The following DHRS2 variants were observed in gnomAD, a reference collection of about 807,000 sequenced individuals.
The protein encoded by DHRS2 is dehydrogenase/reductase SDR family member 2, mitochondrial.
A neutral mutation model predicts 26.3 loss-of-function variants in DHRS2; 29 were observed. The ratio of observed to expected loss-of-function variants is 1.10; its 90% CI spans 0.82 to 1.50. DHRS2 has a LOEUF of 1.50. Among genes scored for constraint, DHRS2 ranks in the 40% most tolerant of loss-of-function variants. The pLI is 0.00. For synonymous variants in DHRS2, 164 were observed against 151.3 expected, an observed-to-expected ratio of 1.08 and a Z score of -0.62; for missense variants, 439 against 367.1, an observed-to-expected ratio of 1.20 and a Z score of -1.60.
chr14:23,639,588 A>T (rs989238746), intron 3 of DHRS2, among the ~76,000 whole-genome samples: 1 of 151,962 alleles, frequency 6.6e-6, no homozygotes, highest in Non-Finnish European at 1.5e-5. Context: ...AGGAGTCTGA[A>T]GGGGTGAGGG....
rs188132418 is a variant in DHRS2, at chr14:23,645,234, G to C, written c.824G>C (p.Gly275Ala). ...YVNGENIAVA[G>A]YSTRL ...AACGGGGAGAACATTGCGGTGGCAGGCTACTCCACTCGGCTCTGAGAGGAG... is the reference window on the plus strand; with the variant it reads ...AACGGGGAGAACATTGCGGTGGCAGCCTACTCCACTCGGCTCTGAGAGGAG... The change falls in exon 9 of 9, where the codon GGC (glycine) becomes GCC (alanine). Residue 275 changes from glycine to alanine, a missense_variant. Physicochemically the swap from Gly to Ala is moderately conservative, Grantham distance 60 (BLOSUM62 0). Coordinates refer to ENST00000250383, the MANE Select transcript of DHRS2 (RefSeq NM_005794.4). 3 of 1,614,144 alleles carry C rather than the reference G, an allele frequency of 1.9e-6. No homozygotes were observed. Among genetic ancestry groups the C allele is most frequent in the East Asian group, 2.2e-5 (1 of 44,866 alleles).
intron 4 of DHRS2, chr14:23,642,507 C>G (rs181984012): frequency 6.6e-6 from 1 of 152,482 alleles, no homozygotes; most frequent in African/African-American, 2.4e-5. Flanking sequence ...CTTCTAGCAC[C>G]TGCTTCCCCT....
chr14:23,644,304 G>T (rs184774474), intron 6 of DHRS2, 105 bp from the exon 7 acceptor site: 2 of 1,566,490 alleles, frequency 1.3e-6, no homozygotes, highest in African/African-American at 2.7e-5. Flanking sequence ...TCTCCATGTG[G>T]GTGGGAGGGC....
chr14:23,630,154 ACTCACATC>A (rs1055873605), exon 1 of DHRS2: 11 of 152,174 alleles, frequency 7.2e-5, no homozygotes, highest in African/African-American at 2.7e-4. Context: ...CCTGCTGCTT[ACTCACATC>A]CTCATACTCA....
At chr14:23,637,622 A>G (rs915788930) in intron 1 of DHRS2, among the ~76,000 whole-genome samples, 5 of 152,136 alleles carry the variant, frequency 3.3e-5, no homozygotes, top group African/African-American at 9.7e-5. Flanking sequence ...GGACTCTAAC[A>G]GGTTTTCGAG....
In DHRS2 at chr14:23,644,725, G is replaced by A. The variant is rs896674132; in HGVS notation, c.676-102G>A. The A allele has an allele frequency of 2.0e-6, 3 of 1,506,782 alleles. No homozygotes were observed. The African/African-American group carries it at 4.1e-5, about 21-fold the overall frequency. 93.3% of individuals were successfully genotyped at this position (1,506,782 alleles called of 1,614,324 possible). Reference sequence around the variant, plus strand: ...CCTGAAAAGATGCTCCTTCTTTTGAGAAGGGCAAAGCTGCCCTAGGTGTTC... The same window carrying A: ...CCTGAAAAGATGCTCCTTCTTTTGAAAAGGGCAAAGCTGCCCTAGGTGTTC... On this transcript the variant is annotated intron_variant, in intron 7 of 8. Coordinates refer to ENST00000250383, the MANE Select transcript of DHRS2 (RefSeq NM_005794.4).
intron 4 of DHRS2, chr14:23,640,363 C>T (rs2138382716): frequency 1.0e-6 from 1 of 985,502 alleles, no homozygotes; most frequent in Middle Eastern, 5.2e-4. Context: ...CACTGAGTCC[C>T]ACACAAACTT....
intron 3 of DHRS2, among the ~76,000 whole-genome samples, 158 bp from the exon 4 acceptor site, chr14:23,639,636 C>T (rs369949158): frequency 6.6e-6 from 1 of 152,136 alleles, no homozygotes; most frequent in Non-Finnish European, 1.5e-5. Flanking sequence ...ACCTTCCTCT[C>T]TCAGTGCCTG....
At chr14:23,634,692 C>G (rs1466927122), upstream of DHRS2, among the ~76,000 whole-genome samples, 1 of 152,084 alleles carries the variant, frequency 6.6e-6, no homozygotes, top group Non-Finnish European at 1.5e-5. Context: ...ATCCATTCCA[C>G]CGTTAATAGG....
chr14:23,639,670 C>G, intron 3 of DHRS2, 124 bp from the exon 4 acceptor site: 1 of 1,104,884 alleles, frequency 9.1e-7, no homozygotes, highest in African/African-American at 1.6e-5. Context: ...GCCCTTGGGA[C>G]ACCTAGGTCA....
chr14:23,645,271 G>A lies in DHRS2; in HGVS notation c.*18G>A. 6.2e-7 allele frequency: 1 copy of A among 1,613,978 alleles called. No homozygotes were observed. Among genetic ancestry groups the A allele is most frequent in the Non-Finnish European group, 8.5e-7 (1 of 1,180,058 alleles). ...GGCTCTGAGAGGAGTGGGGGCGGCT[G>A]CGTAGCTGTGGTCCCAGGCCCAGGA... On this transcript the variant is annotated 3_prime_UTR_variant, in exon 9 of 9. Transcript: ENST00000250383.
At chr14:23,640,167 C>A in intron 4 of DHRS2, 1 of 781,456 alleles carries the variant, frequency 1.3e-6, no homozygotes. Context: ...GTATTTATTG[C>A]TGTCTGCCAG....
intron 8 of DHRS2, 51 bp from the exon 9 acceptor site, chr14:23,645,091 C>T (rs745408701): frequency 1.2e-6 from 2 of 1,609,814 alleles, no homozygotes; most frequent in East Asian, 2.2e-5. Flanking sequence ...AGCCCCAGAG[C>T]AGCAGAATCA....
chr14:23,643,205 C>T lies in DHRS2; in HGVS notation c.474C>T (p.Pro158=), dbSNP rs1156504060. 1.2e-6 allele frequency: 2 copies of T among 1,614,004 alleles called. No individual in the cohort carries two copies. Among genetic ancestry groups the T allele is most frequent in the Admixed American group, 1.7e-5 (1 of 60,024 alleles). ...CCCTGCTGCTGAGCCAGTTGCTGCC[C>T]TACATGGAGAACAGGTATGGCAGGG... The part of the protein sequence containing the change: ...SPALLLSQLL[P]YMENRRGAVI... Residue 158 remains proline (P), a synonymous_variant, in exon 5 of 9, where the codon CCC becomes CCT. Coordinates refer to ENST00000250383, the MANE Select transcript of DHRS2 (RefSeq NM_005794.4).
chr14:23,631,550 C>A (rs56234039), upstream of DHRS2, among the ~76,000 whole-genome samples: 4 of 151,576 alleles, frequency 2.6e-5, no homozygotes, highest in South Asian at 6.3e-4. Context: ...CTTCCTCTAC[C>A]CCCCCCACCC....
upstream of DHRS2, among the ~76,000 whole-genome samples, chr14:23,632,629 T>C (rs1890151204): frequency 6.6e-6 from 1 of 152,166 alleles, no homozygotes; most frequent in African/African-American, 2.4e-5. Flanking sequence ...AATTTATAGA[T>C]ACAGACCCCT....
At chr14:23,639,700 C>T in intron 3 of DHRS2, 94 bp from the exon 4 acceptor site, 1 of 1,354,678 alleles carries the variant, frequency 7.4e-7, no homozygotes, top group Non-Finnish European at 9.9e-7. Context: ...AGGAGCTCTG[C>T]AAGCTTTGCC....
At chr14:23,639,158 G>A in intron 2 of DHRS2, 21 bp from the exon 3 acceptor site, 1 of 1,610,400 alleles carries the variant, frequency 6.2e-7, no homozygotes, top group Non-Finnish European at 8.5e-7. Flanking sequence ...GCTGACTTTT[G>A]CCCTCCATCT....
intron 1 of DHRS2, among the ~76,000 whole-genome samples, chr14:23,637,100 A>G (rs1050823237): frequency 3.3e-5 from 5 of 152,292 alleles, no homozygotes; most frequent in African/African-American, 1.2e-4. Flanking sequence ...TCTCAAAGGC[A>G]TGTTGCCCAA....
Sources: allele counts gnomAD v4.1 joint callset (sites outside exome capture counted in the v4.1 genomes callset), GRCh38; gene constraint gnomAD v4.1.1; transcripts MANE v1.5; gene names NCBI Gene and HGNC (gene_info 2026-07-23, HGNC 2026-07-21).